The following TMEM232 variants were observed in gnomAD, a reference collection of about 807,000 sequenced individuals.
TMEM232 encodes transmembrane protein 232.
TMEM232 carries 80 observed loss-of-function variants against 78.8 expected under a neutral mutation model. The observed-to-expected ratio is 1.01, with a 90% CI of 0.85 to 1.22. The LOEUF (loss-of-function observed/expected upper bound fraction) is 1.22, where lower values mean the gene tolerates loss of function less well. Ranked by LOEUF, TMEM232 falls within the 50% of genes most tolerant of loss-of-function variation. The pLI is 0.00. For missense variants in TMEM232, 881 were observed against 742.2 expected, an observed-to-expected ratio of 1.19 and a Z score of -2.17; for synonymous variants, 297 against 254.3, an observed-to-expected ratio of 1.17 and a Z score of -1.60.
intron 11 of TMEM232, among the ~76,000 whole-genome samples, chr5:110,554,108 A>G (rs915243125): frequency 5.9e-5 from 9 of 152,176 alleles, no homozygotes; most frequent in Non-Finnish European, 1.0e-4. Flanking sequence ...TGAAGGATAC[A>G]AAGTATTGAT....
At chr5:110,513,180 T>TAA (rs1768048801) in intron 12 of TMEM232, among the ~76,000 whole-genome samples, 1 of 152,130 alleles carries the variant, frequency 6.6e-6, no homozygotes, top group Non-Finnish European at 1.5e-5. Context: ...ATAAACTGAG[T>TAA]TATATATTAC....
chr5:110,516,885 T>C (rs944299660), intron 12 of TMEM232, among the ~76,000 whole-genome samples: 3 of 152,328 alleles, frequency 2.0e-5, no homozygotes, highest in African/African-American at 7.2e-5. Flanking sequence ...AGATACTTCA[T>C]TAACAAGGAA....
At chr5:110,738,311 A>G, upstream of TMEM232, 1 of 1,204,438 alleles carries the variant, frequency 8.3e-7, no homozygotes, top group Non-Finnish European at 1.1e-6. Flanking sequence ...ATTTTGAACG[A>G]TATAACTGGG....
At chr5:110,586,937 T>C (rs1778886069) in intron 10 of TMEM232, among the ~76,000 whole-genome samples, 1 of 152,144 alleles carries the variant, frequency 6.6e-6, no homozygotes, top group African/African-American at 2.4e-5. Context: ...CTGAGTGTTA[T>C]TTTATTTCAA....
chr5:110,613,923 CA>C (rs2060199508), intron 8 of TMEM232, among the ~76,000 whole-genome samples: 1 of 151,694 alleles, frequency 6.6e-6, no homozygotes, highest in African/African-American at 2.4e-5. Flanking sequence ...TTATTATTAA[CA>C]GAATAGTTAA....
At chr5:110,418,758 A>G (rs1190369704), downstream of TMEM232, among the ~76,000 whole-genome samples, 5 of 152,184 alleles carry the variant, frequency 3.3e-5, no homozygotes, top group Non-Finnish European at 7.3e-5. Flanking sequence ...TGCAGTGAGG[A>G]GGCCTTAAGG....
chr5:110,612,724 C>A (rs977223389), intron 8 of TMEM232, among the ~76,000 whole-genome samples: 1 of 152,084 alleles, frequency 6.6e-6, no homozygotes, highest in Non-Finnish European at 1.5e-5. Flanking sequence ...CATATTAAAT[C>A]AGTTATTTTG....
chr5:110,425,016 T>A, intron 12 of TMEM232, 100 bp from the exon 13 acceptor site: 6 of 863,676 alleles, frequency 6.9e-6, no homozygotes, highest in Non-Finnish European at 1.1e-5. Context: ...TTAAGCATTT[T>A]GATTCTTCAT....
intron 12 of TMEM232, among the ~76,000 whole-genome samples, chr5:110,428,077 G>A (rs1428154002): frequency 6.6e-6 from 1 of 151,712 alleles, no homozygotes; most frequent in Non-Finnish European, 1.5e-5. Flanking sequence ...TCAAATAGTA[G>A]GTCATATTCA....
At chr5:110,498,855 G>C (rs2149437528) in intron 12 of TMEM232, among the ~76,000 whole-genome samples, 1 of 152,202 alleles carries the variant, frequency 6.6e-6, no homozygotes, top group East Asian at 1.9e-4. Flanking sequence ...TCCTAATGAA[G>C]TGAAAATAAA....
intron 12 of TMEM232, among the ~76,000 whole-genome samples, chr5:110,470,661 G>C (rs1762568431): frequency 6.6e-6 from 1 of 152,184 alleles, no homozygotes; most frequent in African/African-American, 2.4e-5. Context: ...AGTTATTGCT[G>C]ATGTTGATTG....
chr5:110,702,705 T>C (rs1430482286), intron 1 of TMEM232, among the ~76,000 whole-genome samples: 3 of 152,076 alleles, frequency 2.0e-5, no homozygotes, highest in Non-Finnish European at 2.9e-5. Context: ...ATCTGATTCA[T>C]TGATGGATCA....
intron 1 of TMEM232, among the ~76,000 whole-genome samples, chr5:110,720,303 T>C (rs886349893): frequency 1.6e-4 from 24 of 152,100 alleles, no homozygotes; most frequent in Admixed American, 2.6e-4. Context: ...CTGAACCTAA[T>C]ATAAAGCCTC....
intron 7 of TMEM232, among the ~76,000 whole-genome samples, chr5:110,624,392 A>G (rs1784152595): frequency 6.6e-6 from 1 of 151,292 alleles, no homozygotes; most frequent in African/African-American, 2.4e-5. Context: ...TATGACAATA[A>G]TGACGACTTT....
chr5:110,731,668 G>C (rs1055258078), upstream of TMEM232, among the ~76,000 whole-genome samples: 6 of 152,176 alleles, frequency 3.9e-5, no homozygotes, highest in Non-Finnish European at 8.8e-5. Context: ...TGGGACACAG[G>C]ACACCAAGTC....
intron 12 of TMEM232, among the ~76,000 whole-genome samples, chr5:110,426,910 G>C (rs1757302590): frequency 6.6e-6 from 1 of 151,838 alleles, no homozygotes; most frequent in Non-Finnish European, 1.5e-5. Context: ...AAGTGTTCAA[G>C]CAAATTGCCT....
intron 12 of TMEM232, among the ~76,000 whole-genome samples, chr5:110,460,848 T>C (rs1761445217): frequency 6.6e-6 from 1 of 152,128 alleles, no homozygotes; most frequent in Non-Finnish European, 1.5e-5. Flanking sequence ...ATTAGTGATC[T>C]TTGATGTAAC....
chr5:110,492,526 C>T (rs1654014949), intron 12 of TMEM232, among the ~76,000 whole-genome samples: 1 of 151,894 alleles, frequency 6.6e-6, no homozygotes, highest in South Asian at 2.1e-4. Flanking sequence ...AAGATTACTT[C>T]ATATTCTGAC....
At chr5:110,415,086 C>T, downstream of TMEM232, among the ~76,000 whole-genome samples, 1 of 152,168 alleles carries the variant, frequency 6.6e-6, no homozygotes, top group East Asian at 1.9e-4. Flanking sequence ...ACTAACCTGT[C>T]AGACTCAGGC....
Sources: gnomAD v4.1 joint callset for allele counts (sites outside exome capture counted in the v4.1 genomes callset) on GRCh38, gnomAD v4.1.1 for gene constraint, MANE v1.5 for transcripts, NCBI Gene and HGNC (gene_info 2026-07-23, HGNC 2026-07-21) for gene names.